TNXB: variants seen among roughly 807,000 people sequenced by gnomAD.
The protein encoded by TNXB is tenascin-X.
A neutral mutation model predicts 340.5 loss-of-function variants in TNXB; 183 were observed. The ratio of observed to expected loss-of-function variants is 0.54; its 90% CI spans 0.48 to 0.61. The LOEUF (loss-of-function observed/expected upper bound fraction) is 0.61, where lower values mean the gene tolerates loss of function less well. TNXB is among the 20% of genes least tolerant of loss of function. TNXB has a pLI of 0.00. For synonymous variants in TNXB, 2,121 were observed against 2,314.5 expected, an observed-to-expected ratio of 0.92 and a Z score of 2.40; for missense variants, 4,613 against 5,446.4, an observed-to-expected ratio of 0.85 and a Z score of 4.82.
intron 21 of TNXB, among the ~76,000 whole-genome samples, chr6:32,060,503 A>G (rs768342108): frequency 3.3e-5 from 5 of 151,948 alleles, no homozygotes; most frequent in Non-Finnish European, 5.9e-5. Context: ...GAATAGAATA[A>G]TACAGAAAAA....
At position 32,081,466 on chromosome 6, in the gene TNXB, G is replaced by GTAA; in HGVS notation, c.3941_3943dup (p.Val1314_Thr1315insIle). The GTAA allele has an allele frequency of 6.3e-7, 1 of 1,598,204 alleles. No individual in the cohort carries two copies. ...CCGGTCGGGATCCAGGCCGGGGACA[G>GTAA]TAACCTCATTCTCATCCCCCGCAAC... On this transcript the variant is annotated inframe_insertion, in exon 10 of 44. Coordinates refer to ENST00000644971, the MANE Select transcript of TNXB (RefSeq NM_001365276.2). This position sits in a 1 kb window ranked among gnomAD's most constrained non-coding sequence, Gnocchi z 5.1.
intron 6 of TNXB, among the ~76,000 whole-genome samples, chr6:32,086,985 G>A (rs1779813232): frequency 3.3e-5 from 5 of 152,126 alleles, no homozygotes; most frequent in Admixed American, 3.3e-4. Flanking sequence ...AACAATCCTG[G>A]AAGTGTCCCG....
intron 11 of TNXB, among the ~76,000 whole-genome samples, chr6:32,076,752 C>T (rs1238272479): frequency 2.6e-5 from 4 of 152,172 alleles, no homozygotes; most frequent in African/African-American, 9.7e-5. Flanking sequence ...GAGGCCAAGG[C>T]GGGTGGATCA....
At position 32,072,062 on chromosome 6, in the gene TNXB, T is replaced by C. The variant is rs374991528; in HGVS notation, c.4918A>G (p.Lys1640Glu). The C allele has an allele frequency of 5.0e-6, 8 of 1,612,516 alleles. No individual in the cohort carries two copies. The highest frequency in any genetic ancestry group is 2.7e-5 in the African/African-American group (2 of 74,920). ...ATCCCAAAGAGCAGGAACTTGTACT[T>C]GCGGGAGGGTTCCAGGTCAGGGATA... Reference protein sequence around the residue: ...VTIPDLEPSRKYKFLLFGIQD... With the variant: ...VTIPDLEPSREYKFLLFGIQD... Residue 1640 changes from lysine (K) to glutamate (E), a missense_variant, in exon 13 of 44, where the codon AAG becomes GAG. Transcript: ENST00000644971. The surrounding 1 kb of genome is among the most constrained non-coding windows in gnomAD (Gnocchi z 4.4).
rs373904563 is a variant in TNXB, at chr6:32,087,862, T to G, written c.2779+923A>C. The G allele has an allele frequency of 4.9e-4, 216 of 437,778 alleles. 3 individuals are homozygous for G. The highest frequency in any genetic ancestry group is 9.0e-5 in the Non-Finnish European group (20 of 222,206). The allele number at this position is 437,778 out of a possible 1,614,324, so 27.1% of individuals were successfully genotyped here. The stretch of plus-strand genomic sequence containing the variant: ...CAGGCTTGGCCTGGGCGGGGACTCC[T>G]CCTCCCTTTCCTCTGCTGGCCTCGA... On this transcript the variant is annotated intron_variant, in intron 6 of 43. Coordinates refer to ENST00000644971, the MANE Select transcript of TNXB (RefSeq NM_001365276.2). The surrounding 1 kb of genome is among the most constrained non-coding windows in gnomAD (Gnocchi z 9.0).
At position 32,081,277 on chromosome 6, in the gene TNXB, G is replaced by A. The variant is rs931093264; in HGVS notation, c.4042+91C>T. On this transcript the variant is annotated intron_variant, in intron 10 of 43. Coordinates refer to ENST00000644971, the MANE Select transcript of TNXB (RefSeq NM_001365276.2). This position sits in a 1 kb window ranked among gnomAD's most constrained non-coding sequence, Gnocchi z 5.1. ...CTTTGGCAAAATGAGCTGAGAAGGC[G>A]AAGATGGAGGGAGGCTGGAAGGAGC... 12 of 1,323,400 alleles carry A rather than the reference G, an allele frequency of 9.1e-6. No individual in the cohort carries two copies. The highest frequency in any genetic ancestry group is 8.2e-6 in the Non-Finnish European group (8 of 972,542). The allele number at this position is 1,323,400 out of a possible 1,614,324, so 82.0% of individuals were successfully genotyped here. A position where few individuals can be genotyped will look rare whatever the true frequency, so the allele number is the denominator to read the frequency against.
At chr6:32,056,492 C>G in intron 23 of TNXB, 94 bp downstream of exon 23, 4 of 1,534,124 alleles carry the variant, frequency 2.6e-6, no homozygotes, top group Middle Eastern at 1.7e-4. Context: ...TGGTGCTGAC[C>G]GGACCCCTGG....
rs976179872 is a variant in TNXB at position 32,047,059 on chromosome 6, G to A, written c.10325-603C>T. Among the ~76,000 whole-genome samples the A allele has an allele frequency of 6.6e-6, 1 of 152,204 alleles. No homozygotes were observed. The highest frequency in any genetic ancestry group is 1.5e-5 in the Non-Finnish European group (1 of 68,038). On this transcript the variant is annotated intron_variant, in intron 30 of 43. Transcript: ENST00000644971. The surrounding 1 kb of genome is among the most constrained non-coding windows in gnomAD (Gnocchi z 6.2). Reference sequence around the variant, plus strand: ...CAGGGGATTAGCTGGGAGAACAGAGGGCAGAGCAGAGGCTTGCCCGGGTGG... The same window carrying A: ...CAGGGGATTAGCTGGGAGAACAGAGAGCAGAGCAGAGGCTTGCCCGGGTGG...
chr6:32,042,947 G>T lies in TNXB; in HGVS notation c.11925+4C>A. On this transcript the variant is annotated splice_donor_region_variant and intron_variant, in intron 38 of 43. Transcript: ENST00000644971. The stretch of plus-strand genomic sequence containing the variant: ...GGGGAGTTGGGTCAGTGGGGCCGGG[G>T]CACCTGGTTCTGTCCACCAGGGGTG... 5.8e-6 allele frequency: 2 copies of T among 345,154 alleles called. No homozygotes were observed. Among genetic ancestry groups the T allele is most frequent in the Non-Finnish European group, 9.9e-6 (2 of 202,366 alleles). The allele number at this position is 345,154 out of a possible 1,614,324, so 21.4% of individuals were successfully genotyped here.
chr6:32,103,889 A>G lies in TNXB; in HGVS notation c.-9+5292T>C, dbSNP rs117692803. Reference sequence around the variant, plus strand: ...TGGGACTACAGGCACCCGCTACCACACCTAGCTAATTTTTTATTTTTAGTA... The same window carrying G: ...TGGGACTACAGGCACCCGCTACCACGCCTAGCTAATTTTTTATTTTTAGTA... On this transcript the variant is annotated intron_variant, in intron 1 of 43. Transcript: ENST00000644971. Among the ~76,000 whole-genome samples, 750 of 151,772 alleles carry G rather than the reference A, an allele frequency of 4.9e-3. 15 individuals are homozygous for G. In the East Asian group the frequency reaches 0.057, roughly 12 times the overall value.
In TNXB at chr6:32,061,355, T is replaced by G. The variant is rs753687907; in HGVS notation, c.7492+42A>C. ...GGCACAGCAGTAAACCAGGTACCCA[T>G]GAGGGAAAGGTGGTTACCCCGAGAC... is the stretch of plus-strand genomic sequence containing the variant. On this transcript the variant is annotated intron_variant, in intron 21 of 43. Transcript: ENST00000644971. The surrounding 1 kb of genome is among the most constrained non-coding windows in gnomAD (Gnocchi z 4.4). The G allele has an allele frequency of 1.3e-6, 2 of 1,595,822 alleles. No homozygotes were observed. Among genetic ancestry groups the G allele is most frequent in the South Asian group, 1.1e-5 (1 of 90,332 alleles).
chr6:32,062,544 C>T lies in TNXB; in HGVS notation c.6842-61G>A. ...TGGGCCTCCTTTTAACCAAGGGACTCTGGGATTCTCTTAGACACACCAAGG... is the reference window on the plus strand; with the variant it reads ...TGGGCCTCCTTTTAACCAAGGGACTTTGGGATTCTCTTAGACACACCAAGG... On this transcript the variant is annotated intron_variant, in intron 19 of 43. Transcript: ENST00000644971. The surrounding 1 kb of genome is among the most constrained non-coding windows in gnomAD (Gnocchi z 4.3). 1 of 1,469,420 alleles carries T rather than the reference C, an allele frequency of 6.8e-7. No homozygotes were observed. Among genetic ancestry groups the T allele is most frequent in the South Asian group, 1.3e-5 (1 of 75,428 alleles). The allele number at this position is 1,469,420 out of a possible 1,614,324, so 91.0% of individuals were successfully genotyped here.
rs1421660297 is a variant in TNXB, at chr6:32,079,225, G to T, written c.4183C>A (p.Pro1395Thr). The T allele has an allele frequency of 1.9e-6, 3 of 1,613,772 alleles. No individual in the cohort carries two copies. Among genetic ancestry groups the T allele is most frequent in the African/African-American group, 1.3e-5 (1 of 75,030 alleles). The change falls in exon 11 of 44, where the codon CCC becomes ACC. Residue 1395 changes from proline to threonine, a missense_variant. Physicochemically the swap from Pro to Thr is conservative, Grantham distance 38. Transcript: ENST00000644971. This position sits in a 1 kb window ranked among gnomAD's most constrained non-coding sequence, Gnocchi z 7.1. ...PDSLSLFWTV[P>T]QGSFDSFTVQ... is the part of the protein sequence containing the mutation. ...GTGAAAGAGTCGAAGCTGCCCTGGG[G>T]GACGGTCCAGAAGAGGCTCAGCGAA...
chr6:32,043,719 C>A (rs762549783), intron 35 of TNXB, 30 bp downstream of exon 35: 43 of 1,613,526 alleles, frequency 2.7e-5, no homozygotes, highest in Non-Finnish European at 3.5e-5. Context: ...TTGGCTCCCA[C>A]CTCTTGCCCC....
chr6:32,048,973 C>T (rs533397988), intron 28 of TNXB, among the ~76,000 whole-genome samples: 8 of 152,310 alleles, frequency 5.3e-5, no homozygotes, highest in African/African-American at 1.9e-4. Flanking sequence ...GAAGCACTTT[C>T]TGAGCCACTA....
At position 32,052,122 on chromosome 6, in the gene TNXB, G is replaced by GC. The variant is rs1332078656; in HGVS notation, c.9115+547_9115+548insG. ...AACAACAAAAAAAGTGTGTTCCTTG[G>GC]ACCAGTGGCATCAAGATAGATGAGA... On this transcript the variant is annotated intron_variant, in intron 26 of 43. Coordinates refer to ENST00000644971, the MANE Select transcript of TNXB (RefSeq NM_001365276.2). This position sits in a 1 kb window ranked among gnomAD's most constrained non-coding sequence, Gnocchi z 4.7. Among the ~76,000 whole-genome samples, 6 of 152,176 alleles carry GC rather than the reference G, an allele frequency of 3.9e-5. No homozygotes were observed. The highest frequency in any genetic ancestry group is 1.2e-4 in the African/African-American group (5 of 41,438).
intron 4 of TNXB, chr6:32,093,421 A>G: frequency 1.4e-6 from 1 of 701,984 alleles, no homozygotes; most frequent in Non-Finnish European, 2.6e-6. Context: ...CTTTGGCTGG[A>G]GAGTGAGGAG....
Position 32,081,955 on chromosome 6 carries a change from C to T in TNXB, c.3736+81G>A, listed in dbSNP as rs1263941927. On this transcript the variant is annotated intron_variant, in intron 9 of 43. Transcript: ENST00000644971. This position sits in a 1 kb window ranked among gnomAD's most constrained non-coding sequence, Gnocchi z 5.1. ...TGGAGTCAGCTGTCTTGCTGGGGGA[C>T]CCCAGCTGGTTTTGGGCTGAAGGGA... 2 of 1,410,552 alleles carry T rather than the reference C, an allele frequency of 1.4e-6. No homozygotes were observed. Among genetic ancestry groups the T allele is most frequent in the Non-Finnish European group, 1.9e-6 (2 of 1,044,362 alleles). 87.4% of individuals were successfully genotyped at this position (1,410,552 alleles called of 1,614,324 possible). A position where few individuals can be genotyped will look rare whatever the true frequency, so the allele number is the denominator to read the frequency against.
In TNXB at chr6:32,097,898, G is replaced by C. The variant is rs1562879471; in HGVS notation, c.301C>G (p.Gln101Glu). Residue 101 changes from glutamine (Q) to glutamate (E), a missense_variant, in exon 2 of 44, where the codon CAG becomes GAG. Around this residue, in one of 7 missense-constraint regions of TNXB, gnomAD observed 4,327 missense variants for 4,859.4 expected, o/e 0.89. Coordinates refer to ENST00000644971, the MANE Select transcript of TNXB (RefSeq NM_001365276.2). The surrounding 1 kb of genome is among the most constrained non-coding windows in gnomAD (Gnocchi z 5.9). ...TEPPVLASEV[Q>E]ALRVRLEILE... Reference sequence around the variant, plus strand: ...ATCTCTAGACGGACCCTCAGGGCCTGTACCTCTGAAGCAAGGACTGGGGGC... The same window carrying C: ...ATCTCTAGACGGACCCTCAGGGCCTCTACCTCTGAAGCAAGGACTGGGGGC... The C allele has an allele frequency of 6.3e-7, 1 of 1,583,798 alleles. No individual in the cohort carries two copies. The highest frequency in any genetic ancestry group is 8.6e-7 in the Non-Finnish European group (1 of 1,159,450).
Sources: gnomAD v4.1 joint callset for allele counts (sites outside exome capture counted in the v4.1 genomes callset) on GRCh38, gnomAD v4.1.1 for gene constraint, gnomAD v4.1.1 regional missense constraint, Gnocchi (gnomAD v3.1) non-coding constraint, MANE v1.5 for transcripts, NCBI Gene and HGNC (gene_info 2026-07-23, HGNC 2026-07-21) for gene names.